Variants in MECOM observed in about 807,000 individuals in gnomAD.
The protein encoded by MECOM is MDS1 and EVI1 complex locus.
A neutral mutation model predicts 116.3 loss-of-function variants in MECOM; 13 were observed. That is an observed-to-expected ratio of 0.11 (90% CI 0.07 to 0.18). The LOEUF is 0.18. Among genes scored for constraint, MECOM ranks in the 10% least tolerant of loss-of-function variants. The pLI, the probability that MECOM is intolerant of heterozygous loss-of-function variation, is 1.00. For missense variants in MECOM, 1,299 were observed against 1,509.0 expected (o/e 0.86, Z 2.31); for synonymous variants, 528 against 535.2 (o/e 0.99, Z 0.19).
chr3:169,577,026 G>T (rs1764598225), intron 1 of MECOM, among the ~76,000 whole-genome samples: 1 of 152,174 alleles, frequency 6.6e-6, no homozygotes, highest in Non-Finnish European at 1.5e-5. Context: ...GTTTAGTGTA[G>T]GGTAAAGAGC....
intron 2 of MECOM, among the ~76,000 whole-genome samples, chr3:169,263,134 T>G (rs61160272): frequency 0.018 from 2,163 of 118,180 alleles, 160 homozygotes; most frequent in African/African-American, 0.072. Context: ...TATATGTTTT[T>G]TTTTTTTTTT....
At chr3:169,599,790 T>C (rs962365015) in intron 1 of MECOM, among the ~76,000 whole-genome samples, 1 of 152,182 alleles carries the variant, frequency 6.6e-6, no homozygotes, top group Non-Finnish European at 1.5e-5. Context: ...ATGATAAATA[T>C]GTTGATTAAT....
At chr3:169,089,503 C>T (rs1209545212) in intron 15 of MECOM, among the ~76,000 whole-genome samples, 1 of 152,038 alleles carries the variant, frequency 6.6e-6, no homozygotes, top group East Asian at 1.9e-4. Context: ...CTAATTATGA[C>T]AATATTTAGT....
intron 2 of MECOM, among the ~76,000 whole-genome samples, chr3:169,338,798 C>T (rs570331968): frequency 6.6e-6 from 1 of 151,998 alleles, no homozygotes; most frequent in Non-Finnish European, 1.5e-5. Flanking sequence ...CTATAAACCC[C>T]TAGAAGGTAG....
At chr3:169,331,453 C>T (rs1458613943) in intron 2 of MECOM, among the ~76,000 whole-genome samples, 1 of 151,986 alleles carries the variant, frequency 6.6e-6, no homozygotes, top group Non-Finnish European at 1.5e-5. Flanking sequence ...TAATTATCAT[C>T]CCCATGAAAA....
intron 2 of MECOM, among the ~76,000 whole-genome samples, chr3:169,279,808 G>T (rs551464875): frequency 6.6e-6 from 1 of 152,052 alleles, no homozygotes. Flanking sequence ...TAACAAAAAC[G>T]AATACTGATG....
chr3:169,202,696 A>C (rs750807279), intron 2 of MECOM, among the ~76,000 whole-genome samples: 10 of 151,844 alleles, frequency 6.6e-5, no homozygotes, highest in Non-Finnish European at 1.2e-4. Flanking sequence ...AGAGTACATC[A>C]ATGTCCAGGG....
At chr3:169,592,328 G>C (rs73174375) in intron 1 of MECOM, among the ~76,000 whole-genome samples, 2 of 152,128 alleles carry the variant, frequency 1.3e-5, no homozygotes, top group Admixed American at 1.3e-4. Context: ...AGTCCAGAAG[G>C]CCTCTTCCTT....
intron 10 of MECOM, 23 bp from the exon 11 acceptor site, chr3:169,102,249 C>T (rs891497146): frequency 1.3e-6 from 2 of 1,590,414 alleles, no homozygotes; most frequent in African/African-American, 2.7e-5. Flanking sequence ...AGCACAAGAC[C>T]ATGAAGCGTT....
At chr3:169,323,198 T>C (rs1163957806) in intron 2 of MECOM, among the ~76,000 whole-genome samples, 2 of 152,090 alleles carry the variant, frequency 1.3e-5, no homozygotes, top group African/African-American at 2.4e-5. Flanking sequence ...AGGAGAGTTA[T>C]CCTCCCTAGG....
intron 1 of MECOM, among the ~76,000 whole-genome samples, chr3:169,456,785 C>G (rs1746585036): frequency 6.6e-6 from 1 of 152,196 alleles, no homozygotes; most frequent in Non-Finnish European, 1.5e-5. Context: ...CACCATAATA[C>G]TACGCACTGA....
intron 1 of MECOM, among the ~76,000 whole-genome samples, chr3:169,513,792 G>T (rs1327769871): frequency 6.6e-6 from 1 of 152,142 alleles, no homozygotes; most frequent in Admixed American, 6.5e-5. Flanking sequence ...CACATTAATG[G>T]TTCTATTTGT....
At chr3:169,315,273 C>A (rs745927614) in intron 2 of MECOM, among the ~76,000 whole-genome samples, 2 of 152,210 alleles carry the variant, frequency 1.3e-5, no homozygotes, top group African/African-American at 2.4e-5. Flanking sequence ...TAGTCCTTGA[C>A]CCTAGGAACC....
intron 2 of MECOM, among the ~76,000 whole-genome samples, chr3:169,219,375 T>C (rs1281704833): frequency 2.0e-5 from 3 of 152,000 alleles, no homozygotes; most frequent in Non-Finnish European, 2.9e-5. Context: ...GGCGTGGTGG[T>C]GGGCGCCTGT....
intron 2 of MECOM, among the ~76,000 whole-genome samples, chr3:169,158,370 C>T (rs561796340): frequency 6.6e-6 from 1 of 152,142 alleles, no homozygotes; most frequent in East Asian, 1.9e-4. Flanking sequence ...TCAAGACTTA[C>T]AACTATTACA....
chr3:169,314,707 TG>T (rs962077116), intron 2 of MECOM, among the ~76,000 whole-genome samples: 3 of 149,626 alleles, frequency 2.0e-5, no homozygotes, highest in African/African-American at 7.4e-5. Context: ...GAAGAGTAAA[TG>T]GGGAGAAAAA....
At chr3:169,647,426 G>T (rs368942054) in intron 1 of MECOM, among the ~76,000 whole-genome samples, 43 of 152,316 alleles carry the variant, frequency 2.8e-4, no homozygotes, top group African/African-American at 9.9e-4. Flanking sequence ...CAGGCACAGA[G>T]AAGTAAATAG....
rs1438764951 is a variant in MECOM at position 169,228,248 on chromosome 3, A to G, written c.376-84416T>C. Among the ~76,000 whole-genome samples, 4 of 152,330 alleles carry G rather than the reference A, an allele frequency of 2.6e-5. No homozygotes were observed. The East Asian group carries it at 7.7e-4, about 29-fold the overall frequency. On this transcript the variant is annotated intron_variant, in intron 2 of 16. Transcript: ENST00000651503. The stretch of plus-strand genomic sequence containing the variant: ...AAGAATTATCTCTGGTGGTTTTGCC[A>G]TATTCCGGGCAATACTATACTAAAC...
chr3:169,476,391 A>G (rs1028515495), intron 1 of MECOM, among the ~76,000 whole-genome samples: 1 of 152,186 alleles, frequency 6.6e-6, no homozygotes, highest in African/African-American at 2.4e-5. Flanking sequence ...ACTCAGATCT[A>G]TGTTCCAGTT....
Sources: gnomAD v4.1 joint callset for allele counts (sites outside exome capture counted in the v4.1 genomes callset) on GRCh38, gnomAD v4.1.1 for gene constraint, MANE v1.5 for transcripts, NCBI Gene and HGNC (gene_info 2026-07-23, HGNC 2026-07-21) for gene names.